NDEL1: variants seen among roughly 807,000 people sequenced by gnomAD.
NDEL1 encodes nuclear distribution protein nudE-like 1.
Under a neutral mutation model 45.7 loss-of-function variants are expected in NDEL1, and 9 were observed. The ratio of observed to expected loss-of-function variants is 0.20; its 90% confidence interval spans 0.12 to 0.34. The LOEUF is 0.34. Ranked by LOEUF, NDEL1 falls within the 10% of genes least tolerant of loss-of-function variation. The pLI is 1.00. For synonymous variants in NDEL1, 133 were observed against 158.6 expected, an observed-to-expected ratio of 0.84 and a Z score of 1.21; for missense variants, 306 against 406.2, an observed-to-expected ratio of 0.75 and a Z score of 2.12.
At chr17:8,426,132 T>G (rs1295821432) in intron 1 of NDEL1, among the ~76,000 whole-genome samples, 1 of 152,182 alleles carries the variant, frequency 6.6e-6, no homozygotes, top group Non-Finnish European at 1.5e-5. Context: ...CTTCTTTTTG[T>G]TTTTTCATTT....
chr17:8,470,457 C>G (rs903999576), downstream of NDEL1, among the ~76,000 whole-genome samples: 3 of 152,166 alleles, frequency 2.0e-5, no homozygotes, highest in Non-Finnish European at 4.4e-5. The surrounding 1 kb of genome is among the most constrained non-coding windows in gnomAD (Gnocchi z 4.2). Flanking sequence ...GCCAGCGCTC[C>G]ACTTCCTTCA....
chr17:8,462,704 C>G (rs1463533399), intron 8 of NDEL1: 1 of 152,284 alleles, frequency 6.6e-6, no homozygotes, highest in Non-Finnish European at 1.5e-5. Flanking sequence ...CCTGCCCTCC[C>G]TCTCACTCCT....
intron 1 of NDEL1, among the ~76,000 whole-genome samples, chr17:8,416,328 C>A (rs73239241): frequency 0.023 from 3,470 of 152,258 alleles, 142 homozygotes; most frequent in African/African-American, 0.079. Context: ...CCTTTATTTT[C>A]TTCCCTGTTT....
intron 1 of NDEL1, among the ~76,000 whole-genome samples, chr17:8,443,068 C>CG (rs906313707): frequency 2.6e-5 from 4 of 152,312 alleles, no homozygotes; most frequent in African/African-American, 9.6e-5. Context: ...CATGAGCCAC[C>CG]ACACCTAGCC....
chr17:8,454,858 A>C lies in NDEL1; in HGVS notation c.763A>C (p.Ile255Leu). Reference sequence around the variant, plus strand: ...CTCTGCTAGGATATCAGCACTAAACATCGTGGGGGATCTCTTACGGAAAGT... The same window carrying C: ...CTCTGCTAGGATATCAGCACTAAACCTCGTGGGGGATCTCTTACGGAAAGT... ...TPSARISALNIVGDLLRKVGA... is the reference protein window; with the variant it reads ...TPSARISALNLVGDLLRKVGA... The change falls in exon 7 of 9, where the codon ATC becomes CTC. Residue 255 changes from isoleucine (I) to leucine (L), a missense_variant. Ile to Leu is a conservative substitution (Grantham distance 5). Around this residue, in one of 3 missense-constraint regions of NDEL1, gnomAD observed 175 missense variants for 205.2 expected, o/e 0.85. Coordinates refer to ENST00000334527, the MANE Select transcript of NDEL1 (RefSeq NM_030808.5). 1 of 1,613,840 alleles carries C rather than the reference A, an allele frequency of 6.2e-7. No homozygotes were observed. The highest frequency in any genetic ancestry group is 8.5e-7 in the Non-Finnish European group (1 of 1,179,844).
chr17:8,468,544 C>T (rs898089548), downstream of NDEL1, among the ~76,000 whole-genome samples: 4 of 152,222 alleles, frequency 2.6e-5, no homozygotes, highest in African/African-American at 9.7e-5. Flanking sequence ...TTAGAAGTCG[C>T]TTCGAACCGG....
chr17:8,418,625 G>GCTTC (rs765696271), intron 1 of NDEL1, among the ~76,000 whole-genome samples: 3 of 151,526 alleles, frequency 2.0e-5, no homozygotes, highest in Non-Finnish European at 4.4e-5. Context: ...GTTTATGGCT[G>GCTTC]CTTCCTTCCT....
chr17:8,443,871 T>C (rs1047341283), intron 1 of NDEL1: 2 of 158,008 alleles, frequency 1.3e-5, no homozygotes, highest in African/African-American at 4.8e-5. Context: ...AAGGGCAGCA[T>C]GCATGCGGTA....
intron 6 of NDEL1, among the ~76,000 whole-genome samples, chr17:8,452,720 T>C (rs1415026177): frequency 6.9e-6 from 1 of 145,786 alleles, no homozygotes; most frequent in South Asian, 2.1e-4. Flanking sequence ...CCTTTCTTTC[T>C]TTTCTTTTCT....
intron 3 of NDEL1, chr17:8,474,165 T>C (rs1385400665): frequency 6.6e-6 from 1 of 152,644 alleles, no homozygotes; most frequent in Non-Finnish European, 1.5e-5. Context: ...TCCAGTCAGA[T>C]CACAGATGGG....
downstream of NDEL1, among the ~76,000 whole-genome samples, chr17:8,470,171 C>G (rs758980016): frequency 6.6e-6 from 1 of 152,154 alleles, no homozygotes; most frequent in Non-Finnish European, 1.5e-5. The surrounding 1 kb of genome is among the most constrained non-coding windows in gnomAD (Gnocchi z 4.2). Context: ...GGCATGAATG[C>G]CGCTACGTAC....
intron 1 of NDEL1, among the ~76,000 whole-genome samples, chr17:8,428,362 A>G (rs985967908): frequency 5.3e-3 from 433 of 81,306 alleles, no homozygotes; most frequent in South Asian, 8.2e-3. Flanking sequence ...GTGTGTGTGT[A>G]TTTTTTTTTT....
At chr17:8,444,749 A>T (rs898339859) in intron 2 of NDEL1, 4 of 154,834 alleles carry the variant, frequency 2.6e-5, no homozygotes, top group African/African-American at 9.6e-5. Flanking sequence ...TCAGGCAAGC[A>T]TGATCAGTGT....
chr17:8,452,037 C>T (rs373430555), intron 6 of NDEL1, among the ~76,000 whole-genome samples: 2 of 152,078 alleles, frequency 1.3e-5, no homozygotes, highest in Non-Finnish European at 1.5e-5. Flanking sequence ...TGCCTTGTTA[C>T]GAGATGATAT....
At chr17:8,442,740 T>A (rs1344553814) in intron 1 of NDEL1, among the ~76,000 whole-genome samples, 1 of 148,984 alleles carries the variant, frequency 6.7e-6, no homozygotes, top group Non-Finnish European at 1.5e-5. Context: ...CTAGATAAAC[T>A]CCAAGTTCTA....
At chr17:8,414,152 T>G (rs1908488209) in intron 1 of NDEL1, among the ~76,000 whole-genome samples, 1 of 152,222 alleles carries the variant, frequency 6.6e-6, no homozygotes, top group Non-Finnish European at 1.5e-5. Flanking sequence ...TATTCCATTG[T>G]GTGGCTGTAC....
chr17:8,419,889 G>A (rs985000607), intron 1 of NDEL1, among the ~76,000 whole-genome samples: 3 of 152,158 alleles, frequency 2.0e-5, no homozygotes, highest in Non-Finnish European at 4.4e-5. Context: ...AGGGCCAGAA[G>A]CACCCATGAA....
chr17:8,436,294 A>G (rs8066539), intron 1 of NDEL1: 174,978 of 179,410 alleles, frequency 0.98, 85,502 homozygotes, highest in East Asian at 1. Context: ...GGCCTCCGGA[A>G]GATGTGCCCC....
intron 8 of NDEL1, chr17:8,464,419 A>C (rs1340859193): frequency 1.3e-5 from 2 of 151,598 alleles, no homozygotes. Flanking sequence ...TTCCCCATGC[A>C]CAGCTTTGCA....
Sources: gnomAD v4.1 joint callset for allele counts (sites outside exome capture counted in the v4.1 genomes callset) on GRCh38, gnomAD v4.1.1 for gene constraint, gnomAD v4.1.1 regional missense constraint, Gnocchi (gnomAD v3.1) non-coding constraint, MANE v1.5 for transcripts, NCBI Gene and HGNC (gene_info 2026-07-23, HGNC 2026-07-21) for gene names.